RASSF8: variants seen among roughly 807,000 people sequenced by gnomAD.
RASSF8 encodes the protein Ras association domain family member 8.
Under a neutral mutation model 48.5 loss-of-function variants are expected in RASSF8, and 22 were observed. The observed-to-expected ratio is 0.45, with a 90% CI of 0.32 to 0.65. RASSF8 has a LOEUF of 0.65. Among genes scored for constraint, RASSF8 ranks in the 30% least tolerant of loss-of-function variants. The probability of loss-of-function intolerance (pLI) is 0.03; values close to 1 mark genes in which losing one functional copy is unlikely to be tolerated. For synonymous variants in RASSF8, 127 were observed against 171.5 expected (o/e 0.74, Z 2.03); for missense variants, 418 against 489.2 (o/e 0.85, Z 1.37).
At chr12:26,027,441 G>A (rs1323361075) in intron 2 of RASSF8, among the ~76,000 whole-genome samples, 1 of 152,198 alleles carries the variant, frequency 6.6e-6, no homozygotes, top group Non-Finnish European at 1.5e-5. Flanking sequence ...GACACTGAAG[G>A]GTCAGCAGGC....
At chr12:25,962,837 T>C (rs1014692424) in intron 1 of RASSF8, among the ~76,000 whole-genome samples, 4 of 152,238 alleles carry the variant, frequency 2.6e-5, no homozygotes, top group African/African-American at 9.6e-5. Flanking sequence ...ATGTATAATA[T>C]GAAACGGCCT....
At chr12:26,035,474 TA>T (rs1943121524) in intron 2 of RASSF8, among the ~76,000 whole-genome samples, 2 of 112,306 alleles carry the variant, frequency 1.8e-5, no homozygotes, top group Non-Finnish European at 4.0e-5. Context: ...AATTATATTA[TA>T]TAATTATATA....
chr12:26,022,721 G>T (rs1452675126), intron 2 of RASSF8, among the ~76,000 whole-genome samples: 1 of 151,762 alleles, frequency 6.6e-6, no homozygotes, highest in Non-Finnish European at 1.5e-5. Flanking sequence ...TTACTAAAGG[G>T]GCTCCACAGT....
downstream of RASSF8, among the ~76,000 whole-genome samples, chr12:26,073,496 G>GGA (rs1449213328): frequency 4.6e-5 from 7 of 152,254 alleles, no homozygotes; most frequent in Middle Eastern, 6.8e-3. Context: ...CAGCACTTTG[G>GGA]GAGGCCAAGG....
intron 2 of RASSF8, among the ~76,000 whole-genome samples, chr12:26,000,063 AATT>A (rs1942220444): frequency 6.6e-6 from 1 of 152,240 alleles, no homozygotes; most frequent in East Asian, 1.9e-4. Context: ...AGTGATTCTG[AATT>A]ATTTTACATT....
chr12:26,059,921 G>A (rs1171760841), intron 3 of RASSF8, among the ~76,000 whole-genome samples: 3 of 151,942 alleles, frequency 2.0e-5, no homozygotes, highest in Non-Finnish European at 2.9e-5. Flanking sequence ...TTTTTGAGAC[G>A]GAGTCTCACT....
chr12:26,064,591 G>A lies in RASSF8; in HGVS notation c.197G>A (p.Trp66Ter). The change falls in exon 4 of 6, where the codon TGG becomes TAG. Residue 66 changes from tryptophan (W) to a stop codon, truncating the protein, a stop_gained. Coordinates refer to ENST00000689635, the MANE Select transcript of RASSF8 (RefSeq NM_001394098.1). LOFTEE classifies it high-confidence loss of function. ...HENPIISLNK[W>*]GQYASDVQLI... ...AATCCTATCATATCCTTAAACAAAT[G>A]GGGGCAGTATGCTAGTGATGTGCAG... is the stretch of plus-strand genomic sequence containing the variant. The A allele has an allele frequency of 6.2e-7, 1 of 1,614,102 alleles. No individual in the cohort carries two copies. Among genetic ancestry groups the A allele is most frequent in the Non-Finnish European group, 8.5e-7 (1 of 1,180,000 alleles).
intron 1 of RASSF8, among the ~76,000 whole-genome samples, chr12:25,961,418 A>T (rs905608915): frequency 6.6e-6 from 1 of 152,232 alleles, no homozygotes; most frequent in Non-Finnish European, 1.5e-5. Flanking sequence ...ATTACAAAAT[A>T]ATATAACGTT....
chr12:26,031,479 C>T (rs1943029422), intron 2 of RASSF8, among the ~76,000 whole-genome samples: 1 of 152,098 alleles, frequency 6.6e-6, no homozygotes, highest in Non-Finnish European at 1.5e-5. Context: ...TGCCACAGGC[C>T]CAGTAGAGTT....
chr12:26,015,459 G>T (rs146776415), intron 2 of RASSF8, among the ~76,000 whole-genome samples: 6 of 152,128 alleles, frequency 3.9e-5, no homozygotes, highest in African/African-American at 1.4e-4. Context: ...ACACAGAGCC[G>T]AGAAATAGAA....
chr12:26,035,438 TATAATATAAGTATATGAA>T (rs1565629578), intron 2 of RASSF8, among the ~76,000 whole-genome samples: 9 of 21,156 alleles, frequency 4.3e-4, no homozygotes, highest in Non-Finnish European at 1.0e-3. Flanking sequence ...TATATAATTA[TATAATATAAGTATATGAA>T]ATTATATAAT....
chr12:25,993,961 A>G (rs1232885298), intron 1 of RASSF8, among the ~76,000 whole-genome samples: 1 of 152,210 alleles, frequency 6.6e-6, no homozygotes, highest in Non-Finnish European at 1.5e-5. Context: ...TTTTATAACA[A>G]CTATTAAGTT....
At chr12:26,058,528 A>ATG (rs1565642189) in intron 3 of RASSF8, among the ~76,000 whole-genome samples, 3 of 82,328 alleles carry the variant, frequency 3.6e-5, no homozygotes, top group Admixed American at 1.4e-4. Context: ...ACACATGCGC[A>ATG]CGCGCGCGCG....
chr12:25,981,182 G>A (rs1941734319), intron 1 of RASSF8, among the ~76,000 whole-genome samples: 1 of 152,100 alleles, frequency 6.6e-6, no homozygotes, highest in African/African-American at 2.4e-5. Context: ...ATGGTACCAG[G>A]TTCCTGAGGC....
chr12:26,003,947 T>G (rs1942323666), intron 2 of RASSF8, among the ~76,000 whole-genome samples: 1 of 151,822 alleles, frequency 6.6e-6, no homozygotes, highest in Non-Finnish European at 1.5e-5. Flanking sequence ...GAGGCTGAGG[T>G]GGGAGGATCA....
chr12:26,071,557 C>G lies in RASSF8; in HGVS notation c.*2739C>G. ...TGTCTGTCATCCTCAGAGAATGGCC[C>G]ATAGTGTGTTGCCTGTGGACATAGT... On this transcript the variant is annotated 3_prime_UTR_variant, in exon 6 of 6. Transcript: ENST00000689635. 1.0e-6 allele frequency: 1 copy of G among 980,402 alleles called. No homozygotes were observed. The highest frequency in any genetic ancestry group is 1.2e-6 in the Non-Finnish European group (1 of 825,424). The allele number at this position is 980,402 out of a possible 1,614,324, so 60.7% of individuals were successfully genotyped here.
intron 1 of RASSF8, among the ~76,000 whole-genome samples, chr12:25,980,077 C>A (rs11048365): frequency 2.0e-5 from 3 of 151,996 alleles, no homozygotes; most frequent in Non-Finnish European, 4.4e-5. Flanking sequence ...TCCTTAAGGA[C>A]TACTTCCTTC....
In RASSF8 at chr12:26,072,314, CA is replaced by C. The variant is rs1392921184; in HGVS notation, c.*3501del. ...TTGGGGTGAAGGCCATCAGCTGTAT[CA>C]AAAAGACAAAACAATCACTATTTAT... On this transcript the variant is annotated 3_prime_UTR_variant, in exon 6 of 6. Transcript: ENST00000689635. 2 of 985,186 alleles carry C rather than the reference CA, an allele frequency of 2.0e-6. No individual in the cohort carries two copies. Among genetic ancestry groups the C allele is most frequent in the Non-Finnish European group, 2.4e-6 (2 of 829,876 alleles). 61.0% of individuals were successfully genotyped at this position (985,186 alleles called of 1,614,324 possible). A position where few individuals can be genotyped will look rare whatever the true frequency, so the allele number is the denominator to read the frequency against.
chr12:25,960,066 A>G (rs757818813), intron 1 of RASSF8, among the ~76,000 whole-genome samples: 9 of 152,024 alleles, frequency 5.9e-5, no homozygotes, highest in African/African-American at 9.7e-5. Flanking sequence ...AAAATCCTCT[A>G]GCCCTGTGAC....
Sources: gnomAD v4.1 joint callset for allele counts (sites outside exome capture counted in the v4.1 genomes callset) on GRCh38, gnomAD v4.1.1 for gene constraint, MANE v1.5 for transcripts, NCBI Gene and HGNC (gene_info 2026-07-23, HGNC 2026-07-21) for gene names.